The following ADAMTS14 variants were observed in gnomAD, a reference collection of about 807,000 sequenced individuals.
ADAMTS14 encodes A disintegrin and metalloproteinase with thrombospondin motifs 14.
ADAMTS14 carries 100 observed loss-of-function variants against 128.6 expected under a neutral mutation model. That is an observed-to-expected ratio of 0.78 (90% CI 0.66 to 0.92). ADAMTS14 has a LOEUF of 0.92. Ranked by LOEUF, ADAMTS14 falls within the 40% of genes least tolerant of loss-of-function variation. ADAMTS14 has a pLI of 0.00. For synonymous variants in ADAMTS14, 665 were observed against 653.8 expected (o/e 1.02, Z -0.26); for missense variants, 1,562 against 1,658.6 (o/e 0.94, Z 1.01).
chr10:70,737,641 C>T (rs1841868367), intron 10 of ADAMTS14, among the ~76,000 whole-genome samples: 2 of 152,204 alleles, frequency 1.3e-5, no homozygotes, highest in South Asian at 4.1e-4. Context: ...TGTCCTGTCA[C>T]AGGTGGATGG....
chr10:70,754,419 C>T (rs1842431643), intron 19 of ADAMTS14, among the ~76,000 whole-genome samples: 1 of 152,176 alleles, frequency 6.6e-6, no homozygotes, highest in Admixed American at 6.5e-5. Context: ...TGTATTAGGC[C>T]ATCAACCCAC....
chr10:70,738,184 C>G (rs1841885436), intron 10 of ADAMTS14, among the ~76,000 whole-genome samples: 1 of 151,932 alleles, frequency 6.6e-6, no homozygotes, highest in South Asian at 2.1e-4. Flanking sequence ...TTCATGCTAC[C>G]CTGTAGGAAA....
chr10:70,750,076 T>A, intron 16 of ADAMTS14, 91 bp downstream of exon 16: 1 of 1,518,086 alleles, frequency 6.6e-7, no homozygotes, highest in Non-Finnish European at 8.9e-7. Context: ...GTGACACCAT[T>A]CTGGTGTCTT....
chr10:70,756,617 T>C (rs2132756035), intron 19 of ADAMTS14, among the ~76,000 whole-genome samples: 1 of 152,332 alleles, frequency 6.6e-6, no homozygotes, highest in Non-Finnish European at 1.5e-5. Context: ...TGATATGTAT[T>C]GTGTTGAACA....
chr10:70,719,367 T>TACACAC lies in ADAMTS14; in HGVS notation c.871-9886_871-9881dup, dbSNP rs61607600. On this transcript the variant is annotated intron_variant, in intron 4 of 21. Coordinates refer to ENST00000373207, the MANE Select transcript of ADAMTS14 (RefSeq NM_080722.4). ...CGTGGACAGCATCTCACTCCACAAA[T>TACACAC]ACACACACACACACACACACACACA... Among the ~76,000 whole-genome samples, 499 of 142,212 alleles carry TACACAC rather than the reference T, an allele frequency of 3.5e-3. 1 individual carries two copies. Among genetic ancestry groups the TACACAC allele is most frequent in the African/African-American group, 0.011 (420 of 37,568 alleles). The allele number at this position is 142,212 out of a possible 152,430, so 93.3% of individuals were successfully genotyped here. A position where few individuals can be genotyped will look rare whatever the true frequency, so the allele number is the denominator to read the frequency against.
intron 19 of ADAMTS14, among the ~76,000 whole-genome samples, chr10:70,755,493 G>A (rs780913994): frequency 6.6e-6 from 1 of 152,144 alleles, no homozygotes; most frequent in Non-Finnish European, 1.5e-5. Flanking sequence ...AACAGATGGT[G>A]GTAATGATTG....
intron 19 of ADAMTS14, among the ~76,000 whole-genome samples, chr10:70,754,474 T>TG (rs1842432727): frequency 6.6e-6 from 1 of 151,926 alleles, no homozygotes; most frequent in Admixed American, 6.6e-5. Context: ...TGGGGAGTAG[T>TG]GGGTCGATGT....
chr10:70,680,525 G>A (rs1839772055), intron 2 of ADAMTS14, among the ~76,000 whole-genome samples: 1 of 152,240 alleles, frequency 6.6e-6, no homozygotes, highest in Non-Finnish European at 1.5e-5. Flanking sequence ...GGGGGAAAGA[G>A]CAGGATGTGC....
Position 70,751,488 on chromosome 10 carries a change from C to A in ADAMTS14, c.2438C>A (p.Pro813Gln), listed in dbSNP as rs758125656. 1.2e-6 allele frequency: 2 copies of A among 1,605,026 alleles called. No homozygotes were observed. Among genetic ancestry groups the A allele is most frequent in the East Asian group, 2.2e-5 (1 of 44,570 alleles). The change falls in exon 17 of 22, where the codon CCA becomes CAA. Residue 813 changes from proline to glutamine, a missense_variant. Pro to Gln is a moderately conservative substitution (Grantham distance 76, BLOSUM62 -1). Transcript: ENST00000373207. ...PEAIAILALPPTEGGPRSSLA... is the reference protein window; with the variant it reads ...PEAIAILALPQTEGGPRSSLA... ...CCCATCTCCCCTCAGGCTCTCCCCCCAACTGAGGGTGGCCCCCGCAGCAGC... is the reference window on the plus strand; with the variant it reads ...CCCATCTCCCCTCAGGCTCTCCCCCAAACTGAGGGTGGCCCCCGCAGCAGC...
At chr10:70,723,536 A>C (rs936331399) in intron 4 of ADAMTS14, among the ~76,000 whole-genome samples, 1 of 152,244 alleles carries the variant, frequency 6.6e-6, no homozygotes, top group Non-Finnish European at 1.5e-5. Context: ...ATTTTAAAAT[A>C]AAGTTTATTT....
chr10:70,682,464 G>A (rs766595145), intron 2 of ADAMTS14, among the ~76,000 whole-genome samples: 3 of 152,170 alleles, frequency 2.0e-5, no homozygotes, highest in Non-Finnish European at 2.9e-5. Context: ...GAACCAGCCC[G>A]CCTGGGCTGA....
intron 4 of ADAMTS14, among the ~76,000 whole-genome samples, chr10:70,716,605 T>C (rs1417921608): frequency 2.6e-5 from 4 of 152,188 alleles, no homozygotes; most frequent in African/African-American, 9.7e-5. Flanking sequence ...ACGCTCGAAT[T>C]GCCTTAGGGG....
At chr10:70,704,866 G>A (rs552941997) in intron 3 of ADAMTS14, among the ~76,000 whole-genome samples, 2 of 150,164 alleles carry the variant, frequency 1.3e-5, no homozygotes, top group African/African-American at 2.4e-5. Flanking sequence ...GCACACACCC[G>A]TACACCCACA....
chr10:70,738,987 C>T lies in ADAMTS14; in HGVS notation c.1745C>T (p.Pro582Leu). 4 of 1,607,076 alleles carry T rather than the reference C, an allele frequency of 2.5e-6. No homozygotes were observed. The Admixed American group carries it at 6.7e-5, about 27-fold the overall frequency. Reference sequence around the variant, plus strand: ...TCCCGCAGCCGGAGCTGCAACAACCCCTCGTGAGTGTGCTTGGCTAGGGTG... The same window carrying T: ...TCCCGCAGCCGGAGCTGCAACAACCTCTCGTGAGTGTGCTTGGCTAGGGTG... The part of the protein sequence containing the change: ...VRSRSRSCNN[P>L]SPAYGGRLCL... Residue 582 changes from proline (P) to leucine (L), a missense_variant, in exon 11 of 22, where the codon CCC becomes CTC. Coordinates refer to ENST00000373207, the MANE Select transcript of ADAMTS14 (RefSeq NM_080722.4).
chr10:70,718,597 G>A (rs934500724), intron 4 of ADAMTS14, among the ~76,000 whole-genome samples: 33 of 151,596 alleles, frequency 2.2e-4, no homozygotes, highest in African/African-American at 7.8e-4. Flanking sequence ...TGTTGGCCAG[G>A]CTTGTCTCGA....
Position 70,751,563 on chromosome 10 carries a change from G to A in ADAMTS14, c.2513G>A (p.Ser838Asn). ...IHEDLLPLIG[S>N]NNVLLEEMDT... ...GAGGACCTGCTGCCCCTTATCGGGAGCAACAATGTGCTCCTGGAGGAGATG... is the reference window on the plus strand; with the variant it reads ...GAGGACCTGCTGCCCCTTATCGGGAACAACAATGTGCTCCTGGAGGAGATG... Residue 838 changes from serine (S) to asparagine (N), a missense_variant, in exon 17 of 22, where the codon AGC (serine) becomes AAC (asparagine). By Grantham distance (46) the Ser-to-Asn change is conservative. Coordinates refer to ENST00000373207, the MANE Select transcript of ADAMTS14 (RefSeq NM_080722.4). 2 of 1,613,898 alleles carry A rather than the reference G, an allele frequency of 1.2e-6. No homozygotes were observed. The highest frequency in any genetic ancestry group is 1.7e-6 in the Non-Finnish European group (2 of 1,179,806).
At chr10:70,714,614 A>G (rs888192258) in intron 4 of ADAMTS14, among the ~76,000 whole-genome samples, 6 of 152,176 alleles carry the variant, frequency 3.9e-5, no homozygotes, top group African/African-American at 4.8e-5. Context: ...TTCCTTGTAT[A>G]TAGGGGTGCT....
Position 70,708,598 on chromosome 10 carries a change from G to T in ADAMTS14, c.690G>T (p.Leu230=). The T allele has an allele frequency of 1.2e-6, 2 of 1,605,234 alleles. No homozygotes were observed. Among genetic ancestry groups the T allele is most frequent in the Non-Finnish European group, 1.7e-6 (2 of 1,173,174 alleles). ...DGDLHNEAFG[L]GDLPNLLGLV... The stretch of plus-strand genomic sequence containing the variant: ...CTGTCTTGGTTCCAGCCTTTGGCCT[G>T]GGAGACCTTCCCAACCTGCTGGGCC... Residue 230 remains leucine (L), a synonymous_variant, in exon 4 of 22, where the codon CTG becomes CTT. Coordinates refer to ENST00000373207, the MANE Select transcript of ADAMTS14 (RefSeq NM_080722.4).
chr10:70,758,773 T>G (rs1342701482), intron 21 of ADAMTS14, among the ~76,000 whole-genome samples: 4 of 152,208 alleles, frequency 2.6e-5, no homozygotes, highest in Non-Finnish European at 5.9e-5. Context: ...CATGCACTCC[T>G]GTCTGGCTGT....
Sources: gnomAD v4.1 joint callset for allele counts (sites outside exome capture counted in the v4.1 genomes callset) on GRCh38, gnomAD v4.1.1 for gene constraint, MANE v1.5 for transcripts, NCBI Gene and HGNC (gene_info 2026-07-23, HGNC 2026-07-21) for gene names.